The following NXPH1 variants were observed in gnomAD, a reference collection of about 807,000 sequenced individuals.
The protein encoded by NXPH1 is neurexophilin 1, also known as neurexophilin-1.
A neutral mutation model predicts 23.7 loss-of-function variants in NXPH1; 5 were observed. The ratio of observed to expected loss-of-function variants is 0.21; its 90% CI spans 0.11 to 0.44. The LOEUF is 0.44. NXPH1 is among the 20% of genes least tolerant of loss of function. The probability of loss-of-function intolerance (pLI) is 0.99; values close to 1 mark genes in which losing one functional copy is unlikely to be tolerated. For synonymous variants in NXPH1, 144 were observed against 122.2 expected (o/e 1.18, Z -1.18); for missense variants, 324 against 321.6 (o/e 1.01, Z -0.06).
At chr7:8,527,885 T>C (rs1430183636) in intron 2 of NXPH1, among the ~76,000 whole-genome samples, 2 of 152,228 alleles carry the variant, frequency 1.3e-5, no homozygotes, top group Non-Finnish European at 2.9e-5. Flanking sequence ...ATGTGGAAAT[T>C]GATCAGATAG....
chr7:8,710,607 C>T (rs1170401213), intron 2 of NXPH1, among the ~76,000 whole-genome samples: 1 of 139,662 alleles, frequency 7.2e-6, no homozygotes, highest in Admixed American at 7.3e-5. Context: ...GGTTTTTCTA[C>T]ATGGTTGTTG....
At chr7:8,609,644 C>G (rs1819574123) in intron 2 of NXPH1, among the ~76,000 whole-genome samples, 1 of 152,120 alleles carries the variant, frequency 6.6e-6, no homozygotes, top group Non-Finnish European at 1.5e-5. Context: ...AGACAAAAAT[C>G]CCATCACTTG....
intron 2 of NXPH1, among the ~76,000 whole-genome samples, chr7:8,672,871 C>T (rs1459576724): frequency 6.6e-6 from 1 of 152,164 alleles, no homozygotes; most frequent in East Asian, 1.9e-4. Flanking sequence ...AGCATCTGTT[C>T]TTTCCCCTGT....
At chr7:8,685,167 G>C (rs928937506) in intron 2 of NXPH1, among the ~76,000 whole-genome samples, 1 of 151,234 alleles carries the variant, frequency 6.6e-6, no homozygotes, top group South Asian at 2.1e-4. Context: ...TCACACAATA[G>C]TTTAATCAAC....
chr7:8,607,128 T>G (rs1431689756), intron 2 of NXPH1, among the ~76,000 whole-genome samples: 2 of 152,136 alleles, frequency 1.3e-5, no homozygotes, highest in Non-Finnish European at 2.9e-5. Context: ...ATAGTAAAAT[T>G]AACAAAATTA....
At chr7:8,740,407 C>T (rs6463839) in intron 2 of NXPH1, among the ~76,000 whole-genome samples, 75,348 of 152,032 alleles carry the variant, frequency 0.5, 21,196 homozygotes, top group African/African-American at 0.78. Flanking sequence ...ACAAATTTTT[C>T]AGTTTTGTCT....
intron 2 of NXPH1, among the ~76,000 whole-genome samples, chr7:8,451,728 A>G (rs1036573331): frequency 6.6e-6 from 1 of 152,202 alleles, no homozygotes; most frequent in East Asian, 1.9e-4. Flanking sequence ...CTCCTCTTAT[A>G]TTCAGAAGTA....
chr7:8,452,817 G>A (rs904958493), intron 2 of NXPH1, among the ~76,000 whole-genome samples: 48 of 152,022 alleles, frequency 3.2e-4, no homozygotes, highest in African/African-American at 1.1e-3. Context: ...GTGGTCCTGG[G>A]GATTGATACT....
chr7:8,452,988 T>C (rs1221193758), intron 2 of NXPH1, among the ~76,000 whole-genome samples: 1 of 152,094 alleles, frequency 6.6e-6, no homozygotes, highest in East Asian at 1.9e-4. Flanking sequence ...TCAGAACATG[T>C]ACCCCAGGAA....
intron 2 of NXPH1, among the ~76,000 whole-genome samples, chr7:8,590,794 A>AG (rs1819077242): frequency 6.7e-6 from 1 of 149,802 alleles, no homozygotes; most frequent in African/African-American, 2.5e-5. Context: ...ATATTTATTT[A>AG]GTTTTTTTGC....
chr7:8,745,284 A>G (rs1330747321), intron 2 of NXPH1, among the ~76,000 whole-genome samples: 2 of 152,224 alleles, frequency 1.3e-5, no homozygotes, highest in African/African-American at 4.8e-5. Context: ...TGGAATGGCT[A>G]AATCAAGCTA....
intron 2 of NXPH1, among the ~76,000 whole-genome samples, chr7:8,569,333 G>A (rs1326861622): frequency 6.6e-6 from 1 of 151,792 alleles, no homozygotes; most frequent in Non-Finnish European, 1.5e-5. Flanking sequence ...AGGGATATAC[G>A]TTGTTAGGAT....
rs149242119 is a variant in NXPH1, at chr7:8,515,047, A to ATG, written c.54+79292_54+79293dup. 6.9e-3 allele frequency among the ~76,000 whole-genome samples: 1,053 copies of ATG among 151,988 alleles called. 9 individuals carry two copies. The highest frequency in any genetic ancestry group is 0.024 in the African/African-American group (1,004 of 41,502). ...GTTGCAGAAAGTGATGCCTGTGTGT[A>ATG]TGTGTGTGTGTGTAAGAGTGCACAC... On this transcript the variant is annotated intron_variant, in intron 2 of 2. Transcript: ENST00000405863.
At chr7:8,613,331 T>C (rs1450874562) in intron 2 of NXPH1, among the ~76,000 whole-genome samples, 3 of 152,008 alleles carry the variant, frequency 2.0e-5, no homozygotes, top group African/African-American at 7.2e-5. Flanking sequence ...GCTTTCGTGG[T>C]GCATTTCAAC....
intron 2 of NXPH1, among the ~76,000 whole-genome samples, chr7:8,679,137 C>T (rs1821011167): frequency 6.6e-6 from 1 of 151,454 alleles, no homozygotes; most frequent in Admixed American, 6.6e-5. Context: ...TTAGTAGAGA[C>T]GGGGTTTCAC....
At chr7:8,722,847 C>G (rs1239450340) in intron 2 of NXPH1, among the ~76,000 whole-genome samples, 1 of 152,158 alleles carries the variant, frequency 6.6e-6, no homozygotes, top group African/African-American at 2.4e-5. Context: ...TGAGGCTCAG[C>G]TTTCTAAGTT....
intron 2 of NXPH1, among the ~76,000 whole-genome samples, chr7:8,491,569 AAC>A (rs1454793588): frequency 1.3e-5 from 2 of 152,044 alleles, no homozygotes; most frequent in African/African-American, 4.8e-5. Flanking sequence ...CACTAGTAAA[AAC>A]ACAAATATTC....
chr7:8,646,068 T>C (rs185930672), intron 2 of NXPH1, among the ~76,000 whole-genome samples: 286 of 152,242 alleles, frequency 1.9e-3, no homozygotes, highest in South Asian at 5.0e-3. Flanking sequence ...ATTAATGAAT[T>C]TTGAAAAATT....
At chr7:8,450,382 T>TA (rs1198673864) in intron 2 of NXPH1, among the ~76,000 whole-genome samples, 1 of 152,268 alleles carries the variant, frequency 6.6e-6, no homozygotes, top group African/African-American at 2.4e-5. Context: ...CAAATCTGCT[T>TA]AGTTTAAAAC....
Sources: gnomAD v4.1 joint callset for allele counts (sites outside exome capture counted in the v4.1 genomes callset) on GRCh38, gnomAD v4.1.1 for gene constraint, MANE v1.5 for transcripts, NCBI Gene and HGNC (gene_info 2026-07-23, HGNC 2026-07-21) for gene names.